CFHR5: variants seen among roughly 807,000 people sequenced by gnomAD.
CFHR5 encodes the protein complement factor H-related protein 5.
A neutral mutation model predicts 62.9 loss-of-function variants in CFHR5; 73 were observed. The observed-to-expected ratio is 1.16, with a 90% CI of 0.96 to 1.41. The LOEUF is 1.41. Ranked by LOEUF, CFHR5 falls within the 40% of genes most tolerant of loss-of-function variation. The pLI, the probability that CFHR5 is intolerant of heterozygous loss-of-function variation, is 0.00. For missense variants in CFHR5, 779 were observed against 679.9 expected (o/e 1.15, Z -1.62); for synonymous variants, 249 against 227.2 (o/e 1.10, Z -0.86).
At chr1:196,975,260 T>C (rs894395213), upstream of CFHR5, among the ~76,000 whole-genome samples, 5 of 152,132 alleles carry the variant, frequency 3.3e-5, no homozygotes, top group African/African-American at 4.8e-5. Context: ...TGAATTAAAG[T>C]AGAGATTGTA....
intron 6 of CFHR5, among the ~76,000 whole-genome samples, chr1:196,996,894 T>C (rs1423234750): frequency 6.6e-6 from 1 of 151,974 alleles, no homozygotes; most frequent in African/African-American, 2.4e-5. Context: ...TAGTAAGTAG[T>C]AGTAGTCTAT....
intron 1 of CFHR5, among the ~76,000 whole-genome samples, chr1:196,980,719 G>A (rs915579789): frequency 6.6e-6 from 1 of 151,974 alleles, no homozygotes; most frequent in Admixed American, 6.6e-5. Context: ...GTTGTGTAAC[G>A]GCAGGCTTGC....
At chr1:197,002,895 T>C (rs562051318) in intron 8 of CFHR5, among the ~76,000 whole-genome samples, 24 of 152,342 alleles carry the variant, frequency 1.6e-4, no homozygotes, top group African/African-American at 5.1e-4. Context: ...AAAAATCTTT[T>C]CTATCATATT....
At chr1:196,976,702 A>G (rs560223370), upstream of CFHR5, among the ~76,000 whole-genome samples, 3 of 152,048 alleles carry the variant, frequency 2.0e-5, no homozygotes, top group African/African-American at 7.2e-5. Flanking sequence ...CAAGACCCTC[A>G]CATAGCCATT....
chr1:197,001,363 C>T (rs913578672), intron 7 of CFHR5, among the ~76,000 whole-genome samples: 2 of 151,930 alleles, frequency 1.3e-5, no homozygotes, highest in Non-Finnish European at 2.9e-5. Context: ...TTATTTTATA[C>T]TGACCTCAGG....
At chr1:196,994,344 A>G (rs1653933788) in intron 4 of CFHR5, 88 bp downstream of exon 4, 2 of 1,078,578 alleles carry the variant, frequency 1.9e-6, no homozygotes, top group Non-Finnish European at 2.8e-6. Context: ...TATTACATCT[A>G]TAATCTGACA....
chr1:197,000,789 C>T (rs1488245708), intron 7 of CFHR5, among the ~76,000 whole-genome samples: 2 of 152,000 alleles, frequency 1.3e-5, no homozygotes, highest in African/African-American at 2.4e-5. Flanking sequence ...ATACTTAAAC[C>T]ACCAAACAGA....
intron 1 of CFHR5, among the ~76,000 whole-genome samples, chr1:196,979,608 T>G (rs1653485246): frequency 6.6e-6 from 1 of 152,194 alleles, no homozygotes; most frequent in South Asian, 2.1e-4. Flanking sequence ...TTTGCAGGAC[T>G]GAAAGTTGTT....
chr1:196,987,914 T>C (rs1168463710), intron 3 of CFHR5, among the ~76,000 whole-genome samples: 1 of 152,210 alleles, frequency 6.6e-6, no homozygotes, highest in African/African-American at 2.4e-5. Flanking sequence ...AGAAAGTTAG[T>C]GGTAACTTGA....
rs75406822 is a variant in CFHR5 at position 196,979,422 on chromosome 1, C to T, written c.58+1700C>T. 6.0e-3 allele frequency among the ~76,000 whole-genome samples: 910 copies of T among 152,132 alleles called. 17 individuals carry two copies. Among genetic ancestry groups the T allele is most frequent in the African/African-American group, 0.021 (866 of 41,506 alleles). On this transcript the variant is annotated intron_variant, in intron 1 of 9. Coordinates refer to ENST00000256785, the MANE Select transcript of CFHR5 (RefSeq NM_030787.4). The stretch of plus-strand genomic sequence containing the variant: ...TAGCCTACTACCTAACTAAGCTATA[C>T]GGCCTGTCACTCCTAGACTGCAAAC...
intron 1 of CFHR5, among the ~76,000 whole-genome samples, chr1:196,981,216 T>G (rs578057618): frequency 3.3e-5 from 5 of 152,276 alleles, no homozygotes; most frequent in African/African-American, 1.2e-4. Context: ...AATGCTATAT[T>G]CAGGAAATAT....
chr1:197,004,991 A>C, intron 9 of CFHR5, 148 bp downstream of exon 9: 1 of 699,308 alleles, frequency 1.4e-6, no homozygotes, highest in South Asian at 1.8e-5. Context: ...AAACATTTGA[A>C]AAATTTGCTT....
rs201612591 is a variant in CFHR5, at chr1:196,982,916, T to A, written c.90T>A (p.His30Gln). The A allele has an allele frequency of 2.3e-5, 37 of 1,613,974 alleles. No individual in the cohort carries two copies. The highest frequency in any genetic ancestry group is 8.3e-5 in the Admixed American group (5 of 59,994). ...TTTGTGATTTTCCAAAAATACACCA[T>A]GGATTTCTGTATGATGAAGAAGATT... ...GTLCDFPKIH[H>Q]GFLYDEEDYN... The change falls in exon 2 of 10, where the codon CAT becomes CAA. Residue 30 changes from histidine (H) to glutamine (Q), a missense_variant. Physicochemically the swap from His to Gln is conservative, Grantham distance 24. Transcript: ENST00000256785.
At chr1:196,987,378 T>C (rs1653720342) in intron 3 of CFHR5, among the ~76,000 whole-genome samples, 1 of 152,188 alleles carries the variant, frequency 6.6e-6, no homozygotes, top group South Asian at 2.1e-4. Flanking sequence ...AGATTCCATT[T>C]GTCTATTTTG....
chr1:197,004,845 TG>T lies in CFHR5; in HGVS notation c.1513+3del. The T allele has an allele frequency of 6.2e-7, 1 of 1,603,810 alleles. No homozygotes were observed. Among genetic ancestry groups the T allele is most frequent in the South Asian group, 1.1e-5 (1 of 90,794 alleles). ...GGTCAGAACCACCAAGATGCCTAGG[TG>T]AGTTCTTAATATTCTCTTGGAATCT... On this transcript the variant is annotated splice_donor_region_variant and intron_variant, in intron 9 of 9. Transcript: ENST00000256785.
intron 9 of CFHR5, among the ~76,000 whole-genome samples, 167 bp from the exon 10 acceptor site, chr1:197,008,320 G>GC (rs1478720671): frequency 6.6e-6 from 1 of 151,466 alleles, no homozygotes; most frequent in Non-Finnish European, 1.5e-5. Flanking sequence ...CATACACAGT[G>GC]CTAAGAACAG....
At position 196,996,082 on chromosome 1, in the gene CFHR5, T is replaced by C; in HGVS notation, c.851T>C (p.Val284Ala). Residue 284 changes from valine to alanine, a missense_variant, in exon 6 of 10, where the codon GTC becomes GCC. Physicochemically the swap from Val to Ala is moderately conservative, Grantham distance 64. Coordinates refer to ENST00000256785, the MANE Select transcript of CFHR5 (RefSeq NM_030787.4). ...ELEYGYVQPS[V>A]PPYQHGVSVE... is the part of the protein sequence containing the mutation. Reference sequence around the variant, plus strand: ...GAGTACGGTTATGTTCAGCCGTCTGTCCCTCCCTATCAACATGGAGTTTCA... The same window carrying C: ...GAGTACGGTTATGTTCAGCCGTCTGCCCCTCCCTATCAACATGGAGTTTCA... 6.2e-7 allele frequency: 1 copy of C among 1,613,824 alleles called. No individual in the cohort carries two copies. The highest frequency in any genetic ancestry group is 1.1e-5 in the South Asian group (1 of 91,084).
intron 3 of CFHR5, 97 bp from the exon 4 acceptor site, chr1:196,993,983 T>G: frequency 1.1e-6 from 1 of 890,962 alleles, no homozygotes; most frequent in East Asian, 2.5e-5. Context: ...TTTTATACTC[T>G]GTATATGAAG....
chr1:196,993,625 T>G (rs530228383), intron 3 of CFHR5, among the ~76,000 whole-genome samples: 41 of 152,270 alleles, frequency 2.7e-4, no homozygotes, highest in African/African-American at 7.7e-4. Context: ...ACATCATTTT[T>G]TTTATTTGAC....
Sources: allele counts gnomAD v4.1 joint callset (sites outside exome capture counted in the v4.1 genomes callset), GRCh38; gene constraint gnomAD v4.1.1; transcripts MANE v1.5; gene names NCBI Gene and HGNC (gene_info 2026-07-23, HGNC 2026-07-21).